Variants in CHRM3 observed in about 807,000 individuals in gnomAD.
The protein encoded by CHRM3 is muscarinic acetylcholine receptor M3.
CHRM3 carries 11 observed loss-of-function variants against 41.8 expected under a neutral mutation model. That is an observed-to-expected ratio of 0.26 (90% CI 0.17 to 0.44). The LOEUF is 0.44. Ranked by LOEUF, CHRM3 falls within the 20% of genes least tolerant of loss-of-function variation. CHRM3 has a pLI of 1.00. For synonymous variants in CHRM3, 297 were observed against 301.4 expected (o/e 0.99, Z 0.15); for missense variants, 571 against 745.4 (o/e 0.77, Z 2.72).
chr1:239,810,351 G>T (rs1432477049), intron 5 of CHRM3, among the ~76,000 whole-genome samples: 1 of 152,134 alleles, frequency 6.6e-6, no homozygotes, highest in East Asian at 1.9e-4. Context: ...ACATAAGGGG[G>T]CTGAAGTCAC....
chr1:239,853,870 C>G (rs951466056), intron 6 of CHRM3, among the ~76,000 whole-genome samples: 1 of 152,072 alleles, frequency 6.6e-6, no homozygotes, highest in Non-Finnish European at 1.5e-5. Flanking sequence ...TTGTTTCTAT[C>G]CTTTTCGTAG....
intron 2 of CHRM3, among the ~76,000 whole-genome samples, chr1:239,516,338 C>T (rs1367547864): frequency 2.0e-5 from 3 of 152,144 alleles, no homozygotes; most frequent in African/African-American, 7.2e-5. Flanking sequence ...TGACCTTCCG[C>T]TTCTCTGTAA....
At chr1:239,637,870 G>A (rs543691926) in intron 4 of CHRM3, among the ~76,000 whole-genome samples, 29 of 148,804 alleles carry the variant, frequency 1.9e-4, no homozygotes, top group South Asian at 1.5e-3. Context: ...CCATTAACTC[G>A]TCATTTAGCA....
At chr1:239,672,746 G>A (rs1030765675) in intron 4 of CHRM3, among the ~76,000 whole-genome samples, 1 of 152,080 alleles carries the variant, frequency 6.6e-6, no homozygotes, top group Non-Finnish European at 1.5e-5. Flanking sequence ...ATACATGCAA[G>A]TATAAGCATA....
At chr1:239,582,812 T>A (rs1214028209) in intron 3 of CHRM3, among the ~76,000 whole-genome samples, 1 of 152,160 alleles carries the variant, frequency 6.6e-6, no homozygotes, top group Non-Finnish European at 1.5e-5. Flanking sequence ...CAAAATCACA[T>A]GGGATCGAGC....
intron 5 of CHRM3, among the ~76,000 whole-genome samples, chr1:239,696,137 T>C (rs1474049895): frequency 6.6e-6 from 1 of 152,142 alleles, no homozygotes; most frequent in African/African-American, 2.4e-5. Flanking sequence ...TGGCCTTGGG[T>C]GGGACATTTA....
intron 5 of CHRM3, among the ~76,000 whole-genome samples, chr1:239,756,605 A>ATAATGAC (rs1340099556): frequency 2.6e-5 from 4 of 152,202 alleles, no homozygotes; most frequent in African/African-American, 9.7e-5. Context: ...CATTGCTGAA[A>ATAATGAC]TAATGATAAA....
intron 3 of CHRM3, among the ~76,000 whole-genome samples, chr1:239,602,499 G>T (rs988634343): frequency 6.6e-6 from 1 of 151,996 alleles, no homozygotes; most frequent in Non-Finnish European, 1.5e-5. Flanking sequence ...ATAAAATGTA[G>T]CATTTTAAAT....
intron 5 of CHRM3, among the ~76,000 whole-genome samples, chr1:239,697,928 T>G (rs2148056692): frequency 6.6e-6 from 1 of 152,282 alleles, no homozygotes; most frequent in East Asian, 1.9e-4. Flanking sequence ...CTGAATCATT[T>G]TCTTCATACT....
intron 6 of CHRM3, among the ~76,000 whole-genome samples, chr1:239,836,110 G>A (rs1252301686): frequency 6.6e-6 from 1 of 152,238 alleles, no homozygotes; most frequent in Non-Finnish European, 1.5e-5. Flanking sequence ...TTCAACTGAG[G>A]GGCATACTGC....
chr1:239,774,738 T>C (rs910455242), intron 5 of CHRM3, among the ~76,000 whole-genome samples: 7 of 152,124 alleles, frequency 4.6e-5, no homozygotes, highest in African/African-American at 1.7e-4. Flanking sequence ...TTAGAAACAA[T>C]AATTATCTGA....
chr1:239,600,213 A>G (rs2148682303), intron 3 of CHRM3, among the ~76,000 whole-genome samples: 1 of 151,788 alleles, frequency 6.6e-6, no homozygotes, highest in East Asian at 2.0e-4. Flanking sequence ...CTTTGTTCAG[A>G]CCCACATCAT....
At chr1:239,756,247 AT>A (rs1666233706) in intron 5 of CHRM3, among the ~76,000 whole-genome samples, 1 of 152,184 alleles carries the variant, frequency 6.6e-6, no homozygotes, top group South Asian at 2.1e-4. Flanking sequence ...AGGCTGGTTC[AT>A]TGACTTCTCA....
intron 5 of CHRM3, among the ~76,000 whole-genome samples, chr1:239,772,779 C>G (rs534537362): frequency 1.3e-5 from 2 of 152,258 alleles, no homozygotes; most frequent in South Asian, 4.1e-4. Flanking sequence ...GCTTTTCCTT[C>G]CAACAAGCTC....
chr1:239,627,837 C>T (rs923310678), intron 3 of CHRM3, among the ~76,000 whole-genome samples: 4 of 150,886 alleles, frequency 2.7e-5, no homozygotes, highest in African/African-American at 9.8e-5. Context: ...GGCCCCCACT[C>T]TCTTCTGGCT....
chr1:239,439,560 T>A (rs1663544485), intron 1 of CHRM3, among the ~76,000 whole-genome samples: 1 of 152,172 alleles, frequency 6.6e-6, no homozygotes, highest in African/African-American at 2.4e-5. Context: ...AAAGCATTTA[T>A]TGGATAAATC....
chr1:239,421,199 T>A lies in CHRM3; in HGVS notation c.-521+33972T>A, dbSNP rs558943607. ...TTGGTTTGTCATAAAATGACACAGT[T>A]CTGCCGTATGTTCACAATGCTTGTT... On this transcript the variant is annotated intron_variant, in intron 1 of 6. Transcript: ENST00000676153. Among the ~76,000 whole-genome samples the A allele has an allele frequency of 5.9e-5, 9 of 152,362 alleles. No homozygotes were observed. The South Asian group carries it at 1.9e-3, about 32-fold the overall frequency.
At chr1:239,644,890 C>T (rs958136245) in intron 4 of CHRM3, among the ~76,000 whole-genome samples, 11 of 152,244 alleles carry the variant, frequency 7.2e-5, no homozygotes, top group Admixed American at 1.3e-4. Context: ...ATTGGCCTGA[C>T]GTGAAGACAG....
intron 2 of CHRM3, among the ~76,000 whole-genome samples, chr1:239,496,389 T>C (rs1030667263): frequency 6.6e-6 from 1 of 152,122 alleles, no homozygotes; most frequent in Non-Finnish European, 1.5e-5. Context: ...TTGTTAAATA[T>C]ATATAATATC....
Sources: allele counts gnomAD v4.1 joint callset (sites outside exome capture counted in the v4.1 genomes callset), GRCh38; gene constraint gnomAD v4.1.1; transcripts MANE v1.5; gene names NCBI Gene and HGNC (gene_info 2026-07-23, HGNC 2026-07-21).